HERC1: variants seen among roughly 807,000 people sequenced by gnomAD.
HERC1 encodes the protein HECT and RLD domain containing E3 ubiquitin protein ligase family member 1.
In HERC1, 160 loss-of-function variants were observed where a neutral mutation model predicts 554.3. The observed-to-expected ratio is 0.29, with a 90% CI of 0.25 to 0.33. The LOEUF (loss-of-function observed/expected upper bound fraction) is 0.33. Among genes scored for constraint, HERC1 ranks in the 10% least tolerant of loss-of-function variants. The probability of loss-of-function intolerance (pLI) is 1.00; values close to 1 mark genes in which losing one functional copy is unlikely to be tolerated. For missense variants in HERC1, 4,919 were observed against 5,918.5 expected (o/e 0.83, Z 5.54); for synonymous variants, 2,175 against 2,131.7 (o/e 1.02, Z -0.56).
intron 1 of HERC1, among the ~76,000 whole-genome samples, chr15:63,790,739 A>G (rs914370928): frequency 6.7e-6 from 1 of 150,258 alleles, no homozygotes. Context: ...CTGCATAAAC[A>G]CTTGTTAAAT....
rs568379258 is a variant in HERC1 at position 63,734,140 on chromosome 15, G to A, written c.2646+584C>T. ...TATGATTGCACCACCCTACTCCAGC[G>A]TGGATGACAGAGCAAGACTCTGTCT... On this transcript the variant is annotated intron_variant, in intron 13 of 77. Transcript: ENST00000443617. The surrounding 1 kb of genome is among the most constrained non-coding windows in gnomAD (Gnocchi z 4.6). Among the ~76,000 whole-genome samples the A allele has an allele frequency of 3.9e-5, 6 of 152,112 alleles. No homozygotes were observed. Among genetic ancestry groups the A allele is most frequent in the South Asian group, 2.1e-4 (1 of 4,806 alleles).
chr15:63,668,025 T>C (rs6494423), intron 40 of HERC1, among the ~76,000 whole-genome samples: 123,848 of 152,138 alleles, frequency 0.81, 52,279 homozygotes, highest in Non-Finnish European at 0.88. Flanking sequence ...GGTGCTGCAA[T>C]CCCTGCAATG....
At chr15:63,634,968 TATAGC>T (rs2068716473) in intron 65 of HERC1, 80 bp from the exon 66 acceptor site, 1 of 1,001,484 alleles carries the variant, frequency 1.0e-6, no homozygotes, top group Non-Finnish European at 1.5e-6. Flanking sequence ...TTGGTATTAA[TATAGC>T]AATAAACTTT....
In HERC1 at chr15:63,775,203, C is replaced by G. The variant is rs1290708954; in HGVS notation, c.421G>C (p.Ala141Pro). The G allele has an allele frequency of 1.5e-5, 25 of 1,613,918 alleles. No individual in the cohort carries two copies. Among genetic ancestry groups the G allele is most frequent in the Non-Finnish European group, 2.1e-5 (25 of 1,179,888 alleles). Residue 141 changes from alanine to proline, a missense_variant, in exon 2 of 78, where the codon GCA (alanine) becomes CCA (proline). By Grantham distance (27) the Ala-to-Pro change is conservative. Coordinates refer to ENST00000443617, the MANE Select transcript of HERC1 (RefSeq NM_003922.4). This position sits in a 1 kb window ranked among gnomAD's most constrained non-coding sequence, Gnocchi z 4.0. ...CGTTCACTAACAGAATGGACATCTGCTGAACCAGAACTGCTCTCCGGAGAA... is the reference window on the plus strand; with the variant it reads ...CGTTCACTAACAGAATGGACATCTGGTGAACCAGAACTGCTCTCCGGAGAA... ...QHSPESSSGS[A>P]DVHSVSERPR...
rs2073410520 is a variant in HERC1, at chr15:63,713,654, A to G, written c.4162T>C (p.Cys1388Arg). The G allele has an allele frequency of 6.2e-7, 1 of 1,609,028 alleles. No homozygotes were observed. The change falls in exon 23 of 78, where the codon TGT (cysteine) becomes CGT (arginine). Residue 1388 changes from cysteine to arginine, a missense_variant. Physicochemically the swap from Cys to Arg is radical, Grantham distance 180. Coordinates refer to ENST00000443617, the MANE Select transcript of HERC1 (RefSeq NM_003922.4). ...EVMTAGKIFQCFLSAREVARS... is the reference protein window; with the variant it reads ...EVMTAGKIFQRFLSAREVARS... ...GCTACTTCACGGGCTGAGAGGAAAC[A>G]CTGAAAGATTTCTGTAACATGCAAC...
chr15:63,767,773 G>A (rs149561732), intron 2 of HERC1, among the ~76,000 whole-genome samples: 2,102 of 152,248 alleles, frequency 0.014, 23 homozygotes, highest in East Asian at 0.031. Context: ...AGAGTTCTCC[G>A]AAGAGCTGAG....
intron 2 of HERC1, among the ~76,000 whole-genome samples, chr15:63,769,715 G>C (rs1389969781): frequency 1.3e-5 from 2 of 151,958 alleles, no homozygotes; most frequent in African/African-American, 4.8e-5. Context: ...AATTAGCCAG[G>C]CATGGTGGCG....
At chr15:63,687,526 A>C (rs1252484508) in intron 33 of HERC1, among the ~76,000 whole-genome samples, 1 of 151,650 alleles carries the variant, frequency 6.6e-6, no homozygotes, top group Non-Finnish European at 1.5e-5. Flanking sequence ...TGACAGAGCG[A>C]GACTCTGTCT....
At chr15:63,751,136 T>G (rs375333702) in intron 8 of HERC1, among the ~76,000 whole-genome samples, 12 of 152,344 alleles carry the variant, frequency 7.9e-5, no homozygotes, top group East Asian at 3.9e-4. Context: ...TATACACTCA[T>G]GCACCATTCG....
At position 63,643,626 on chromosome 15, in the gene HERC1, GAAATTTTATATTTCAGAATA is replaced by G. The variant is rs1485129563; in HGVS notation, c.11185-96_11185-77del. The G allele has an allele frequency of 2.7e-6, 3 of 1,125,398 alleles. No individual in the cohort carries two copies. In the African/African-American group the frequency reaches 4.7e-5, roughly 18 times the overall value. 69.7% of individuals were successfully genotyped at this position (1,125,398 alleles called of 1,614,324 possible). A position where few individuals can be genotyped will look rare whatever the true frequency, so the allele number is the denominator to read the frequency against. ...GTTCAAGATTTATCATTCACTCTTG[GAAATTTTATATTTCAGAATA>G]AAATTGGCAAGGGGGAGAGATAATT... On this transcript the variant is annotated intron_variant, in intron 57 of 77. Transcript: ENST00000443617.
rs1336434354 is a variant in HERC1, at chr15:63,749,644, T to C, written c.2047+3A>G. On this transcript the variant is annotated splice_donor_region_variant and intron_variant, in intron 9 of 77. Transcript: ENST00000443617. The surrounding 1 kb of genome is among the most constrained non-coding windows in gnomAD (Gnocchi z 4.1). ...CTATTTCCTTAAAAACAAATGACTT[T>C]ACCATGAGAAAGAGCCAAACAATGA... 1 of 1,598,634 alleles carries C rather than the reference T, an allele frequency of 6.3e-7. No individual in the cohort carries two copies. The highest frequency in any genetic ancestry group is 8.5e-7 in the Non-Finnish European group (1 of 1,172,008).
At chr15:63,626,724 T>C (rs2068317363) in intron 70 of HERC1, among the ~76,000 whole-genome samples, 1 of 152,140 alleles carries the variant, frequency 6.6e-6, no homozygotes, top group South Asian at 2.1e-4. Context: ...TACCCTCCTA[T>C]AAAAACACAT....
chr15:63,680,294 T>A lies in HERC1; in HGVS notation c.6466-134A>T, dbSNP rs773483742. ...ACTAGATCAAATTCTCAATTAACCTTGCTAACCGAGAAAATTCTACATATA... is the reference window on the plus strand; with the variant it reads ...ACTAGATCAAATTCTCAATTAACCTAGCTAACCGAGAAAATTCTACATATA... On this transcript the variant is annotated intron_variant, in intron 35 of 77. Coordinates refer to ENST00000443617, the MANE Select transcript of HERC1 (RefSeq NM_003922.4). The surrounding 1 kb of genome is among the most constrained non-coding windows in gnomAD (Gnocchi z 5.8). 4 of 762,338 alleles carry A rather than the reference T, an allele frequency of 5.2e-6. No individual in the cohort carries two copies. Among genetic ancestry groups the A allele is most frequent in the Non-Finnish European group, 8.3e-6 (4 of 482,696 alleles). 47.2% of individuals were successfully genotyped at this position (762,338 alleles called of 1,614,324 possible). A position where few individuals can be genotyped will look rare whatever the true frequency, so the allele number is the denominator to read the frequency against.
chr15:63,832,737 C>T (rs1316748591), intron 1 of HERC1, among the ~76,000 whole-genome samples: 1 of 151,944 alleles, frequency 6.6e-6, no homozygotes, highest in Non-Finnish European at 1.5e-5. Flanking sequence ...AACTAGCAGC[C>T]AGTTTTAATC....
chr15:63,673,229 T>C (rs574511963), intron 38 of HERC1, among the ~76,000 whole-genome samples: 2 of 138,404 alleles, frequency 1.4e-5, no homozygotes, highest in African/African-American at 2.7e-5. Context: ...TTTTTTTTAA[T>C]TGTTAAGGAA....
chr15:63,745,283 GC>G (rs915789625), intron 12 of HERC1, among the ~76,000 whole-genome samples: 1 of 152,164 alleles, frequency 6.6e-6, no homozygotes, highest in African/African-American at 2.4e-5. Flanking sequence ...TATGTCACCT[GC>G]CCCTCTGTCC....
In HERC1 at chr15:63,674,961, C is replaced by G; in HGVS notation, c.7227G>C (p.Gln2409His). 6.2e-7 allele frequency: 1 copy of G among 1,614,016 alleles called. No individual in the cohort carries two copies. Among genetic ancestry groups the G allele is most frequent in the Non-Finnish European group, 8.5e-7 (1 of 1,179,886 alleles). ...GTTTCTTTTCATGTCGTTTGGTGCT[C>G]TGTTTGCCCATGTCTTCATGAACGC... ...LTGVHEDMGK[Q>H]STKRHEKKHR... Residue 2409 changes from glutamine to histidine, a missense_variant, in exon 38 of 78, where the codon CAG becomes CAC. Coordinates refer to ENST00000443617, the MANE Select transcript of HERC1 (RefSeq NM_003922.4).
At position 63,777,339 on chromosome 15, in the gene HERC1, A is replaced by G. The variant is rs1334981485; in HGVS notation, c.-26-1690T>C. Among the ~76,000 whole-genome samples, 6 of 152,220 alleles carry G rather than the reference A, an allele frequency of 3.9e-5. No homozygotes were observed. In the South Asian group the frequency reaches 1.2e-3, roughly 32 times the overall value. Reference sequence around the variant, plus strand: ...AGAGGGGGGAAAATCATGATCCTCCATCCCACCCTGACTTCATTTGGTATT... The same window carrying G: ...AGAGGGGGGAAAATCATGATCCTCCGTCCCACCCTGACTTCATTTGGTATT... On this transcript the variant is annotated intron_variant, in intron 1 of 77. Coordinates refer to ENST00000443617, the MANE Select transcript of HERC1 (RefSeq NM_003922.4).
intron 64 of HERC1, 58 bp from the exon 65 acceptor site, chr15:63,636,200 T>C: frequency 6.8e-7 from 1 of 1,464,372 alleles, no homozygotes; most frequent in Non-Finnish European, 9.4e-7. Flanking sequence ...TCCTCTTTAC[T>C]TGCAGCTGCT....
Sources: allele counts gnomAD v4.1 joint callset (sites outside exome capture counted in the v4.1 genomes callset), GRCh38; gene constraint gnomAD v4.1.1; non-coding constraint Gnocchi (gnomAD v3.1); transcripts MANE v1.5; gene names NCBI Gene and HGNC (gene_info 2026-07-23, HGNC 2026-07-21).